The following TRPC7 variants were observed in gnomAD, a reference collection of about 807,000 sequenced individuals.
The protein encoded by TRPC7 is transient receptor potential cation channel subfamily C member 7.
Under a neutral mutation model 90.1 loss-of-function variants are expected in TRPC7, and 42 were observed. The ratio of observed to expected loss-of-function variants is 0.47; its 90% CI spans 0.36 to 0.60. The LOEUF (loss-of-function observed/expected upper bound fraction) is 0.60. Among genes scored for constraint, TRPC7 ranks in the 20% least tolerant of loss-of-function variants. TRPC7 has a pLI of 0.00. For missense variants in TRPC7, 955 were observed against 1,112.3 expected, an observed-to-expected ratio of 0.86 and a Z score of 2.01; for synonymous variants, 451 against 436.3, an observed-to-expected ratio of 1.03 and a Z score of -0.42.
chr5:136,341,523 T>C (rs1759848220), intron 2 of TRPC7, among the ~76,000 whole-genome samples: 1 of 152,078 alleles, frequency 6.6e-6, no homozygotes, highest in Admixed American at 6.6e-5. Flanking sequence ...TATGCCCAGA[T>C]ATAAAATAAA....
chr5:136,310,250 G>A (rs919954101), intron 3 of TRPC7, among the ~76,000 whole-genome samples: 1 of 152,160 alleles, frequency 6.6e-6, no homozygotes, highest in African/African-American at 2.4e-5. Flanking sequence ...AAGTTCCAGG[G>A]TTTTGTTCAC....
intron 3 of TRPC7, among the ~76,000 whole-genome samples, chr5:136,276,322 C>G (rs1182796277): frequency 6.6e-6 from 1 of 152,174 alleles, no homozygotes; most frequent in Non-Finnish European, 1.5e-5. Context: ...AGAAGATAGA[C>G]TGGGCATTTT....
intron 3 of TRPC7, among the ~76,000 whole-genome samples, chr5:136,287,723 A>AACC (rs1561702544): frequency 1.6e-5 from 2 of 127,662 alleles, no homozygotes; most frequent in Non-Finnish European, 3.4e-5. Flanking sequence ...AAAAAAAAAA[A>AACC]AAAAAACCCA....
intron 3 of TRPC7, among the ~76,000 whole-genome samples, chr5:136,301,682 C>T (rs571926143): frequency 4.6e-5 from 7 of 152,248 alleles, no homozygotes; most frequent in South Asian, 2.1e-4. Context: ...TTAACTTCAC[C>T]GCCTATCCCA....
intron 7 of TRPC7, among the ~76,000 whole-genome samples, chr5:136,232,311 G>A (rs1264665922): frequency 6.6e-6 from 1 of 152,172 alleles, no homozygotes; most frequent in Non-Finnish European, 1.5e-5. Context: ...GTCCACACAG[G>A]AGGATGGCAT....
intron 5 of TRPC7, among the ~76,000 whole-genome samples, chr5:136,260,028 A>G (rs979286763): frequency 6.6e-6 from 1 of 152,258 alleles, no homozygotes; most frequent in Non-Finnish European, 1.5e-5. Flanking sequence ...GAGGAAAGGA[A>G]GAAGGTATTT....
intron 2 of TRPC7, among the ~76,000 whole-genome samples, chr5:136,324,337 A>C (rs1291206168): frequency 6.6e-6 from 1 of 152,204 alleles, no homozygotes; most frequent in Non-Finnish European, 1.5e-5. Flanking sequence ...AAGATTGATA[A>C]GTTTTTCTTT....
intron 3 of TRPC7, among the ~76,000 whole-genome samples, 180 bp downstream of exon 3, chr5:136,315,417 G>C (rs1758977914): frequency 6.6e-6 from 1 of 152,142 alleles, no homozygotes; most frequent in African/African-American, 2.4e-5. Context: ...GGTGGGAAGG[G>C]ATGGTGGAGG....
intron 5 of TRPC7, among the ~76,000 whole-genome samples, chr5:136,261,508 C>G (rs1202313255): frequency 6.6e-6 from 1 of 152,220 alleles, no homozygotes; most frequent in East Asian, 1.9e-4. Flanking sequence ...AATCCCATTC[C>G]CTGTTGCCTA....
chr5:136,279,724 C>T (rs1757484229), intron 3 of TRPC7, among the ~76,000 whole-genome samples: 1 of 152,210 alleles, frequency 6.6e-6, no homozygotes, highest in Non-Finnish European at 1.5e-5. Context: ...GAAGCTATTT[C>T]CAGCAAGTTT....
At chr5:136,337,663 CAAAAA>C (rs55856709) in intron 2 of TRPC7, among the ~76,000 whole-genome samples, 1 of 121,670 alleles carries the variant, frequency 8.2e-6, no homozygotes, top group East Asian at 2.5e-4. Flanking sequence ...GAGACTCCAT[CAAAAA>C]AAAAAAAAAA....
chr5:136,256,648 G>A (rs1342740378), intron 5 of TRPC7, among the ~76,000 whole-genome samples: 1 of 152,072 alleles, frequency 6.6e-6, no homozygotes, highest in Non-Finnish European at 1.5e-5. Context: ...TGCTCTTTTA[G>A]TCTTCAACTC....
chr5:136,351,113 T>C (rs1317760208), intron 2 of TRPC7, among the ~76,000 whole-genome samples: 1 of 152,256 alleles, frequency 6.6e-6, no homozygotes, highest in Non-Finnish European at 1.5e-5. Flanking sequence ...TTTTATATAT[T>C]TGTATTATTT....
intron 3 of TRPC7, among the ~76,000 whole-genome samples, chr5:136,279,565 G>A (rs1450529475): frequency 6.6e-6 from 1 of 152,146 alleles, no homozygotes; most frequent in East Asian, 1.9e-4. Flanking sequence ...CATGGCCAGA[G>A]TCCCATGGAA....
chr5:136,218,328 TAACAA>T (rs923061648), intron 10 of TRPC7, among the ~76,000 whole-genome samples: 15 of 150,604 alleles, frequency 1.0e-4, no homozygotes, highest in East Asian at 2.0e-4. Context: ...AAAAAAAAAA[TAACAA>T]AACAGACACT....
intron 4 of TRPC7, among the ~76,000 whole-genome samples, chr5:136,271,245 T>C (rs1020172497): frequency 1.8e-4 from 28 of 152,216 alleles, no homozygotes; most frequent in African/African-American, 6.5e-4. Context: ...TAAAGTTGTT[T>C]ACAGTTCCTC....
Position 136,352,906 on chromosome 5 carries a change from C to T in TRPC7, c.780+3702G>A, listed in dbSNP as rs535810060. On this transcript the variant is annotated intron_variant, in intron 2 of 11. Coordinates refer to ENST00000513104, the MANE Select transcript of TRPC7 (RefSeq NM_020389.3). ...TCGTTTCACTATATCCATCAAACGC[C>T]GCTATTAAATCCACCCACGTAGGAA... 1.9e-4 allele frequency among the ~76,000 whole-genome samples: 29 copies of T among 152,232 alleles called. No homozygotes were observed. The South Asian group carries it at 3.5e-3, about 19-fold the overall frequency.
rs757530239 is a variant in TRPC7, at chr5:136,221,002, A to AATAGATATAGAAAATAGAT, written c.2343+4253_2343+4271dup. Among the ~76,000 whole-genome samples, 1,459 of 152,180 alleles carry AATAGATATAGAAAATAGAT rather than the reference A, an allele frequency of 9.6e-3. 10 individuals carry two copies. Among genetic ancestry groups the AATAGATATAGAAAATAGAT allele is most frequent in the South Asian group, 0.021 (100 of 4,808 alleles). ...ATAGGATATCTATTTCTATTCTAGA[A>AATAGATATAGAAAATAGAT]ATAGATATAGAAAATAGATATAGAT... On this transcript the variant is annotated intron_variant, in intron 10 of 11. Transcript: ENST00000513104.
chr5:136,279,801 G>A (rs1161215816), intron 3 of TRPC7, among the ~76,000 whole-genome samples: 1 of 152,180 alleles, frequency 6.6e-6, no homozygotes, highest in Non-Finnish European at 1.5e-5. Context: ...TCTACATGCT[G>A]TTTCCAAACC....
Sources: allele counts gnomAD v4.1 joint callset (sites outside exome capture counted in the v4.1 genomes callset), GRCh38; gene constraint gnomAD v4.1.1; transcripts MANE v1.5; gene names NCBI Gene and HGNC (gene_info 2026-07-23, HGNC 2026-07-21).